Variants in PRKN observed in about 807,000 individuals in gnomAD.
The protein encoded by PRKN is E3 ubiquitin-protein ligase parkin.
In PRKN, 56 loss-of-function variants were observed where a neutral mutation model predicts 59.5. The observed-to-expected ratio is 0.94, with a 90% CI of 0.76 to 1.18. PRKN has a LOEUF of 1.18. Among genes scored for constraint, PRKN ranks in the 50% most tolerant of loss-of-function variants. The probability of loss-of-function intolerance (pLI) is 0.00; values close to 1 mark genes in which losing one functional copy is unlikely to be tolerated. For synonymous variants in PRKN, 250 were observed against 222.1 expected (o/e 1.13, Z -1.12); for missense variants, 657 against 596.4 (o/e 1.10, Z -1.06).
rs1256801935 is a variant in PRKN at position 161,373,051 on chromosome 6, TC to T, written c.1168-12847del. Among the ~76,000 whole-genome samples the T allele has an allele frequency of 1.3e-5, 2 of 152,144 alleles. No homozygotes were observed. Among genetic ancestry groups the T allele is most frequent in the East Asian group, 3.9e-4 (2 of 5,156 alleles). ...GTTTCGAATTCTTAGCTTCAAGTGA[TC>T]CTCCCACCCTGGCCTCCCAAAGTGT... On this transcript the variant is annotated intron_variant, in intron 10 of 11. Coordinates refer to ENST00000366898, the MANE Select transcript of PRKN (RefSeq NM_004562.3). This position sits in a 1 kb window ranked among gnomAD's most constrained non-coding sequence, Gnocchi z 4.8.
rs1280218695 is a variant in PRKN at position 161,459,656 on chromosome 6, C to T, written c.1084-72779G>A. Among the ~76,000 whole-genome samples, 1 of 152,156 alleles carries T rather than the reference C, an allele frequency of 6.6e-6. No homozygotes were observed. On this transcript the variant is annotated intron_variant, in intron 9 of 11. Transcript: ENST00000366898. This position sits in a 1 kb window ranked among gnomAD's most constrained non-coding sequence, Gnocchi z 4.8. Reference sequence around the variant, plus strand: ...CTCCCTCACAAGCAAGCTATTTTCCCGTTTTTCTCATCGCTGTTTAGAGGT... The same window carrying T: ...CTCCCTCACAAGCAAGCTATTTTCCTGTTTTTCTCATCGCTGTTTAGAGGT...
chr6:161,986,098 C>A (rs1004564733), intron 5 of PRKN, among the ~76,000 whole-genome samples: 1 of 152,182 alleles, frequency 6.6e-6, no homozygotes, highest in Non-Finnish European at 1.5e-5. Context: ...CCAGGAGTTA[C>A]CAGCCCTTTC....
intron 9 of PRKN, among the ~76,000 whole-genome samples, chr6:161,438,215 ATTTTTTTTT>A (rs34955373): frequency 4.4e-5 from 5 of 112,442 alleles, no homozygotes; most frequent in Non-Finnish European, 6.9e-5. Flanking sequence ...AATTCTGTTA[ATTTTTTTTT>A]TTTTTTTTTT....
At chr6:162,346,597 G>A (rs367915174) in intron 2 of PRKN, among the ~76,000 whole-genome samples, 2 of 151,968 alleles carry the variant, frequency 1.3e-5, no homozygotes, top group African/African-American at 4.8e-5. Flanking sequence ...CTCTAGCCTG[G>A]GTGACAGAGT....
At chr6:161,706,535 T>A (rs1269006568) in intron 7 of PRKN, among the ~76,000 whole-genome samples, 1 of 152,168 alleles carries the variant, frequency 6.6e-6, no homozygotes, top group African/African-American at 2.4e-5. Flanking sequence ...AAGGAATCGA[T>A]AAACGAAAGA....
chr6:161,743,186 T>A (rs1375797477), intron 7 of PRKN, among the ~76,000 whole-genome samples: 1 of 146,316 alleles, frequency 6.8e-6, no homozygotes, highest in Admixed American at 6.8e-5. Flanking sequence ...TCCCAACCTC[T>A]CCTTGCCTGT....
At chr6:162,654,779 G>A (rs1778577583) in intron 1 of PRKN, among the ~76,000 whole-genome samples, 1 of 152,076 alleles carries the variant, frequency 6.6e-6, no homozygotes, top group South Asian at 2.1e-4. Flanking sequence ...TACAATCATG[G>A]CGGAAGGGGA....
At chr6:162,569,501 A>T in intron 1 of PRKN, 1 of 694,668 alleles carries the variant, frequency 1.4e-6, no homozygotes, top group Non-Finnish European at 2.7e-6. Flanking sequence ...GATGCAGAAC[A>T]TGAGTATCCA....
Position 162,170,022 on chromosome 6 carries a change from C to A in PRKN, c.534+31109G>T, listed in dbSNP as rs542383294. 2.0e-5 allele frequency among the ~76,000 whole-genome samples: 3 copies of A among 152,310 alleles called. 1 individual carries two copies. Among genetic ancestry groups the A allele is most frequent in the African/African-American group, 4.8e-5 (2 of 41,562 alleles). On this transcript the variant is annotated intron_variant, in intron 4 of 11. Coordinates refer to ENST00000366898, the MANE Select transcript of PRKN (RefSeq NM_004562.3). ...TATCGCATGACTGCCTACCTCATTACAAAGTGAAATTCACCACTATACATT... is the reference window on the plus strand; with the variant it reads ...TATCGCATGACTGCCTACCTCATTAAAAAGTGAAATTCACCACTATACATT...
At position 162,031,259 on chromosome 6, in the gene PRKN, C is replaced by T. The variant is rs544146158; in HGVS notation, c.618+22832G>A. Reference sequence around the variant, plus strand: ...ACCTATTTTTTTTTTTTAATGATAACAAATGGTGACAAGAATATATGTTAT... The same window carrying T: ...ACCTATTTTTTTTTTTTAATGATAATAAATGGTGACAAGAATATATGTTAT... On this transcript the variant is annotated intron_variant, in intron 5 of 11. Transcript: ENST00000366898. 6.6e-5 allele frequency among the ~76,000 whole-genome samples: 10 copies of T among 151,030 alleles called. No individual in the cohort carries two copies. In the East Asian group the frequency reaches 2.0e-3, roughly 30 times the overall value.
intron 1 of PRKN, among the ~76,000 whole-genome samples, chr6:162,500,209 G>A (rs1352369749): frequency 1.5e-5 from 2 of 135,148 alleles, no homozygotes; most frequent in Non-Finnish European, 3.1e-5. Context: ...GTTTCACTCT[G>A]TTACCCAGGC....
chr6:161,620,982 T>C (rs1261746622), intron 7 of PRKN, among the ~76,000 whole-genome samples: 1 of 152,138 alleles, frequency 6.6e-6, no homozygotes, highest in African/African-American at 2.4e-5. Context: ...TCCAGGGGGA[T>C]TCTGGCAAGG....
chr6:162,074,914 A>T (rs1010194215), intron 4 of PRKN, among the ~76,000 whole-genome samples: 2 of 152,240 alleles, frequency 1.3e-5, no homozygotes, highest in Non-Finnish European at 2.9e-5. Context: ...CAGGGATAGC[A>T]GAATTGAAAC....
chr6:162,491,310 G>C (rs565616635), intron 1 of PRKN, among the ~76,000 whole-genome samples: 15 of 151,088 alleles, frequency 9.9e-5, no homozygotes, highest in African/African-American at 3.2e-4. Flanking sequence ...GATGGCACCA[G>C]GGACCACTTT....
intron 6 of PRKN, among the ~76,000 whole-genome samples, chr6:161,900,770 A>G (rs1290862797): frequency 1.6e-5 from 1 of 62,290 alleles, no homozygotes; most frequent in Non-Finnish European, 2.9e-5. Flanking sequence ...TATATACAAC[A>G]TACATAATTA....
In PRKN at chr6:161,914,995, C is replaced by CT. The variant is rs1162319689; in HGVS notation, c.734+58306dup. ...GAAAATCATGTTGTTTTAAAATGTT[C>CT]TTTTTTGCGTTGGGTGCGGTGGCTC... On this transcript the variant is annotated intron_variant, in intron 6 of 11. Transcript: ENST00000366898. 5.3e-5 allele frequency among the ~76,000 whole-genome samples: 8 copies of CT among 152,176 alleles called. 1 individual carries two copies. The Middle Eastern group carries it at 0.01, about 194-fold the overall frequency.
intron 7 of PRKN, among the ~76,000 whole-genome samples, chr6:161,690,276 C>T (rs1257009266): frequency 6.6e-6 from 1 of 152,196 alleles, no homozygotes; most frequent in Non-Finnish European, 1.5e-5. Context: ...GCTGCGCACC[C>T]TCCTTACACT....
At chr6:161,629,222 T>C (rs1783204786) in intron 7 of PRKN, among the ~76,000 whole-genome samples, 1 of 152,114 alleles carries the variant, frequency 6.6e-6, no homozygotes, top group African/African-American at 2.4e-5. Context: ...CTGATCAGAC[T>C]GGTGTTTCAG....
intron 6 of PRKN, among the ~76,000 whole-genome samples, chr6:161,953,590 C>T (rs1780064131): frequency 6.6e-6 from 1 of 152,144 alleles, no homozygotes; most frequent in Admixed American, 6.5e-5. Flanking sequence ...AGCAGCACAA[C>T]CACGTCCCTG....
Sources: gnomAD v4.1 joint callset for allele counts (sites outside exome capture counted in the v4.1 genomes callset) on GRCh38, gnomAD v4.1.1 for gene constraint, Gnocchi (gnomAD v3.1) non-coding constraint, MANE v1.5 for transcripts, NCBI Gene and HGNC (gene_info 2026-07-23, HGNC 2026-07-21) for gene names.